The following PLEKHG4B variants were observed in gnomAD, a reference collection of about 807,000 sequenced individuals.
PLEKHG4B encodes the protein pleckstrin homology domain-containing family G member 4B.
In PLEKHG4B, 111 loss-of-function variants were observed where a neutral mutation model predicts 121.3. That is an observed-to-expected ratio of 0.92 (90% confidence interval 0.78 to 1.07). The LOEUF is 1.07. PLEKHG4B is among the 50% of genes least tolerant of loss of function. PLEKHG4B has a pLI of 0.00. For missense variants in PLEKHG4B, 1,831 were observed against 1,757.8 expected, an observed-to-expected ratio of 1.04 and a Z score of -0.74; for synonymous variants, 738 against 725.0, an observed-to-expected ratio of 1.02 and a Z score of -0.29.
At chr5:173,257 G>A (rs908500335) in intron 17 of PLEKHG4B, among the ~76,000 whole-genome samples, 190 bp downstream of exon 17, 6 of 152,278 alleles carry the variant, frequency 3.9e-5, no homozygotes, top group Middle Eastern at 3.4e-3. Flanking sequence ...AAAGCTGCAA[G>A]GAGAAGTGTG....
rs975067953 is a variant in PLEKHG4B at position 137,258 on chromosome 5, A to G, written c.244-2225A>G. Among the ~76,000 whole-genome samples, 17 of 152,294 alleles carry G rather than the reference A, an allele frequency of 1.1e-4. No individual in the cohort carries two copies. The highest frequency in any genetic ancestry group is 3.6e-4 in the African/African-American group (15 of 41,584). ...TGGTGGGTGCCAGGGGCTCAGGGGC[A>G]GGGGAATGGTGAGCTGGTGTTTAAT... On this transcript the variant is annotated intron_variant, in intron 2 of 19. Transcript: ENST00000637938. This position sits in a 1 kb window ranked among gnomAD's most constrained non-coding sequence, Gnocchi z 4.2.
In PLEKHG4B at chr5:151,540, A is replaced by G. The variant is rs1440005387; in HGVS notation, c.1933A>G (p.Ile645Val). The G allele has an allele frequency of 2.5e-6, 4 of 1,582,656 alleles. No individual in the cohort carries two copies. The highest frequency in any genetic ancestry group is 2.6e-6 in the Non-Finnish European group (3 of 1,152,496). ...QNNTSPIIHSILLLVDKESAF... is the reference protein window; with the variant it reads ...QNNTSPIIHSVLLLVDKESAF... ...CAACACATCTCCTATAATTCATAGT[A>G]TCTTGCTGTTGGTAGATAAAGAATC... Residue 645 changes from isoleucine (I) to valine (V), a missense_variant, in exon 7 of 20, where the codon ATC becomes GTC. Physicochemically the swap from Ile to Val is conservative, Grantham distance 29 (BLOSUM62 3). Coordinates refer to ENST00000637938, the MANE Select transcript of PLEKHG4B (RefSeq NM_052909.5).
Position 143,500 on chromosome 5 carries a change from C to A in PLEKHG4B, c.1808C>A (p.Pro603His). 6.2e-7 allele frequency: 1 copy of A among 1,612,732 alleles called. No individual in the cohort carries two copies. The part of the protein sequence containing the change: ...TRLLLYFHSI[P>H]RKEVRDLGLV... ...CTGCTGCTGTACTTCCATAGCATCC[C>A]CAGGTGGGACGGGGGGCAAGGCCGC... The change falls in exon 5 of 20, where the codon CCC becomes CAC. Residue 603 changes from proline to histidine, a missense_variant. Coordinates refer to ENST00000637938, the MANE Select transcript of PLEKHG4B (RefSeq NM_052909.5).
At chr5:115,187 G>A (rs1405399454) in intron 2 of PLEKHG4B, among the ~76,000 whole-genome samples, 1 of 152,204 alleles carries the variant, frequency 6.6e-6, no homozygotes, top group Admixed American at 6.5e-5. Flanking sequence ...ACATTTATCT[G>A]CTTGTACATC....
intron 2 of PLEKHG4B, among the ~76,000 whole-genome samples, chr5:129,375 C>T (rs1485209025): frequency 1.3e-5 from 2 of 152,214 alleles, no homozygotes; most frequent in Non-Finnish European, 2.9e-5. Context: ...TTACCTCTTC[C>T]AACCAACTGC....
chr5:106,155 C>G (rs1458628353), intron 1 of PLEKHG4B, among the ~76,000 whole-genome samples: 1 of 152,216 alleles, frequency 6.6e-6, no homozygotes, highest in African/African-American at 2.4e-5. Context: ...GTCTTGCACA[C>G]TTTTTGTTGA....
chr5:116,428 A>G (rs979419842), intron 2 of PLEKHG4B, among the ~76,000 whole-genome samples: 3 of 152,256 alleles, frequency 2.0e-5, no homozygotes, highest in African/African-American at 7.2e-5. Flanking sequence ...ACAGAGACAC[A>G]GGGTTGCCAC....
intron 17 of PLEKHG4B, 89 bp from the exon 18 acceptor site, chr5:173,829 A>G (rs1736653563): frequency 6.9e-7 from 1 of 1,447,658 alleles, no homozygotes; most frequent in Non-Finnish European, 9.3e-7. Context: ...GTCTGGGTGA[A>G]GTGACCTCCA....
chr5:135,500 C>T (rs1159482777), intron 2 of PLEKHG4B, among the ~76,000 whole-genome samples: 1 of 148,670 alleles, frequency 6.7e-6, no homozygotes, highest in East Asian at 2.0e-4. Flanking sequence ...CCTGTCTCTA[C>T]TGAAAATCCA....
chr5:127,217 A>G (rs1001670186), intron 2 of PLEKHG4B, among the ~76,000 whole-genome samples: 7 of 152,080 alleles, frequency 4.6e-5, no homozygotes, highest in Non-Finnish European at 7.3e-5. Flanking sequence ...TCTTTGTTAG[A>G]AAAGAAAATG....
intron 18 of PLEKHG4B, among the ~76,000 whole-genome samples, chr5:181,274 C>A (rs1287692923): frequency 1.3e-5 from 2 of 152,172 alleles, no homozygotes; most frequent in African/African-American, 2.4e-5. Context: ...GTTTCCAAGG[C>A]CTCATGGCTT....
chr5:129,491 T>G (rs1579263228), intron 2 of PLEKHG4B, among the ~76,000 whole-genome samples: 1 of 152,366 alleles, frequency 6.6e-6, no homozygotes, highest in East Asian at 1.9e-4. Context: ...TGTATGTCTT[T>G]GCCTGTAACT....
chr5:99,135 G>A (rs1428734539), intron 1 of PLEKHG4B, among the ~76,000 whole-genome samples: 2 of 134,926 alleles, frequency 1.5e-5, no homozygotes, highest in African/African-American at 5.8e-5. Flanking sequence ...TAGCCCAGGT[G>A]ACAGTGCGAG....
intron 6 of PLEKHG4B, among the ~76,000 whole-genome samples, chr5:146,617 A>ACCCCCCC (rs1735426864): frequency 4.8e-5 from 1 of 20,738 alleles, no homozygotes; most frequent in Non-Finnish European, 9.3e-5. Flanking sequence ...CTCTCCCCCA[A>ACCCCCCC]CCCTGCAGTT....
Position 163,244 on chromosome 5 carries a change from G to A in PLEKHG4B, c.3172G>A (p.Ala1058Thr), listed in dbSNP as rs1736102846. The A allele has an allele frequency of 1.2e-6, 2 of 1,610,546 alleles. No homozygotes were observed. The highest frequency in any genetic ancestry group is 1.7e-5 in the Admixed American group (1 of 59,870). Residue 1058 changes from alanine (A) to threonine (T), a missense_variant, in exon 13 of 20, where the codon GCC (alanine) becomes ACC (threonine). Ala to Thr is a moderately conservative substitution (Grantham distance 58). Transcript: ENST00000637938. ...ATTAHLEDSS[A>T]CSSEPTQTLA... is the part of the protein sequence containing the mutation. The stretch of plus-strand genomic sequence containing the variant: ...CACGGCCCACCTGGAGGACAGCTCT[G>A]CCTGTTCCTCTGAGCCCACCCAGAC...
At chr5:128,763 C>T (rs1734694186) in intron 2 of PLEKHG4B, among the ~76,000 whole-genome samples, 1 of 152,162 alleles carries the variant, frequency 6.6e-6, no homozygotes, top group Admixed American at 6.5e-5. Flanking sequence ...CACCATCTTC[C>T]CAGAATCCTC....
chr5:141,805 G>A (rs550425660), intron 3 of PLEKHG4B, among the ~76,000 whole-genome samples: 2 of 144,800 alleles, frequency 1.4e-5, no homozygotes, highest in Non-Finnish European at 3.0e-5. Flanking sequence ...ACATACTGAT[G>A]TAGGCTCCAG....
intron 2 of PLEKHG4B, among the ~76,000 whole-genome samples, chr5:121,081 C>T (rs533568325): frequency 6.6e-6 from 1 of 151,950 alleles, no homozygotes; most frequent in African/African-American, 2.4e-5. Context: ...TCCATCTCTA[C>T]TAAAAATACA....
At chr5:162,331 G>T (rs540295218) in intron 12 of PLEKHG4B, among the ~76,000 whole-genome samples, 1 of 152,284 alleles carries the variant, frequency 6.6e-6, no homozygotes, top group East Asian at 1.9e-4. Flanking sequence ...GCCATTAGGA[G>T]CCCGGGCCAG....
Sources: gnomAD v4.1 joint callset for allele counts (sites outside exome capture counted in the v4.1 genomes callset) on GRCh38, gnomAD v4.1.1 for gene constraint, Gnocchi (gnomAD v3.1) non-coding constraint, MANE v1.5 for transcripts, NCBI Gene and HGNC (gene_info 2026-07-23, HGNC 2026-07-21) for gene names.